EPPK1: variants seen among roughly 807,000 people sequenced by gnomAD.
EPPK1 encodes the protein epiplakin.
For missense variants in EPPK1, 3,823 were observed against 3,673.3 expected, an observed-to-expected ratio of 1.04 and a Z score of -1.05; for synonymous variants, 1,862 against 1,721.2, an observed-to-expected ratio of 1.08 and a Z score of -2.03.
rs782460294 is a variant in EPPK1, at chr8:143,867,418, G to C, written c.5836C>G (p.Arg1946Gly). 1 of 1,612,694 alleles carries C rather than the reference G, an allele frequency of 6.2e-7. No homozygotes were observed. The highest frequency in any genetic ancestry group is 1.7e-5 in the Admixed American group (1 of 60,008). Reference sequence around the variant, plus strand: ...GCCTCATCCACAGAGAGCTTCTGGCGGGTGCAGGGGTCCAGGAGGAACCCG... The same window carrying C: ...GCCTCATCCACAGAGAGCTTCTGGCCGGTGCAGGGGTCCAGGAGGAACCCG... ...ATGFLLDPCT[R>G]QKLSVDEAVD... Residue 1946 changes from arginine to glycine, a missense_variant, in exon 2 of 2, where the codon CGC (arginine) becomes GGC (glycine). By Grantham distance (125) the Arg-to-Gly change is moderately radical. Transcript: ENST00000615648.
chr8:143,869,124 G>A lies in EPPK1; in HGVS notation c.4130C>T (p.Ala1377Val), dbSNP rs372573971. ...CAGAAGGCCGAGTCTGCAGGCTGCC[G>A]CCTGGGGCAGGTGCACCCCGTGGAC... ...DPVHGVHLPQ[A>V]AACRLGLLDT... is the part of the protein sequence containing the mutation. Residue 1377 changes from alanine (A) to valine (V), a missense_variant, in exon 2 of 2, where the codon GCG (alanine) becomes GTG (valine). Transcript: ENST00000615648. 9.3e-5 allele frequency: 149 copies of A among 1,606,042 alleles called. No homozygotes were observed. The African/African-American group carries it at 1.6e-3, about 17-fold the overall frequency.
chr8:143,870,192 G>A lies in EPPK1; in HGVS notation c.3062C>T (p.Ser1021Phe). Residue 1021 changes from serine to phenylalanine, a missense_variant, in exon 2 of 2, where the codon TCT (serine) becomes TTT (phenylalanine). Coordinates refer to ENST00000615648, the MANE Select transcript of EPPK1 (RefSeq NM_031308.4). The surrounding 1 kb of genome is among the most constrained non-coding windows in gnomAD (Gnocchi z 5.2). ...ACCTTTCTTCATGGCCTGGAACACA[G>A]ACACCTGCTTCCCAGAGAAGGGGTC... ...FRDPFSGKQVSVFQAMKKGLI... is the reference protein window; with the variant it reads ...FRDPFSGKQVFVFQAMKKGLI... The A allele has an allele frequency of 6.2e-7, 1 of 1,611,292 alleles. No homozygotes were observed. Among genetic ancestry groups the A allele is most frequent in the Non-Finnish European group, 8.5e-7 (1 of 1,179,326 alleles).
At chr8:143,878,404 G>GCCGCACCTGC (rs1554662614) in intron 1 of EPPK1, 34 bp downstream of exon 1, 4,341 of 66,472 alleles carry the variant, frequency 0.065, 208 homozygotes, top group East Asian at 0.21. Context: ...GCCCGCACCC[G>GCCGCACCTGC]CCGCACCCGC....
Position 143,867,088 on chromosome 8 carries a change from C to G in EPPK1, c.6166G>C (p.Asp2056His), listed in dbSNP as rs1554659309. 1 of 1,612,852 alleles carries G rather than the reference C, an allele frequency of 6.2e-7. No homozygotes were observed. The highest frequency in any genetic ancestry group is 1.3e-5 in the African/African-American group (1 of 74,920). ...DQKHMRKRFVDPNTQEKVSYR... is the reference protein window; with the variant it reads ...DQKHMRKRFVHPNTQEKVSYR... ...GAGACCTTCTCTTGCGTGTTCGGGT[C>G]CACAAACCGTTTCCTCATGTGCTTC... Residue 2056 changes from aspartate (D) to histidine (H), a missense_variant, in exon 2 of 2, where the codon GAC (aspartate) becomes CAC (histidine). Transcript: ENST00000615648.
chr8:143,879,142 G>A (rs1435733894), upstream of EPPK1, among the ~76,000 whole-genome samples: 3 of 152,192 alleles, frequency 2.0e-5, no homozygotes, highest in Admixed American at 2.0e-4. Flanking sequence ...CAGCCTCGGG[G>A]GCTGGCCTGG....
At position 143,866,649 on chromosome 8, in the gene EPPK1, G is replaced by T. The variant is rs559664622; in HGVS notation, c.6605C>A (p.Thr2202Lys). ...GAGCTCTTGCGTCGTGCTCCGTCCCGTTTCCAGGTCCTGGAGCATTTCCTC... is the reference window on the plus strand; with the variant it reads ...GAGCTCTTGCGTCGTGCTCCGTCCCTTTTCCAGGTCCTGGAGCATTTCCTC... ...ITEEMLQDLE[T>K]GRSTTQELME... The change falls in exon 2 of 2, where the codon ACG becomes AAG. Residue 2202 changes from threonine to lysine, a missense_variant. Physicochemically the swap from Thr to Lys is moderately conservative, Grantham distance 78. Transcript: ENST00000615648. The T allele has an allele frequency of 3.1e-6, 5 of 1,612,992 alleles. No individual in the cohort carries two copies. In the South Asian group the frequency reaches 4.4e-5, roughly 14 times the overall value.
intron 1 of EPPK1, among the ~76,000 whole-genome samples, chr8:143,874,630 C>T (rs1586703539): frequency 6.6e-6 from 1 of 152,210 alleles, no homozygotes; most frequent in South Asian, 2.1e-4. Flanking sequence ...CGGCTTCTGG[C>T]CTCTAGAGCT....
chr8:143,857,724 G>GGGT lies in EPPK1; in HGVS notation c.*262_*263insACC. 2.4e-6 allele frequency: 1 copy of GGGT among 409,840 alleles called. No homozygotes were observed. Among genetic ancestry groups the GGGT allele is most frequent in the Non-Finnish European group, 4.3e-6 (1 of 233,496 alleles). The allele number at this position is 409,840 out of a possible 1,614,324, so 25.4% of individuals were successfully genotyped here. On this transcript the variant is annotated 3_prime_UTR_variant, in exon 2 of 2. Transcript: ENST00000615648. ...TCCAAAACAGACAGAAAAATGTTCT[G>GGGT]AAAACGAAAAAGGAGAGAAAAGTAA... is the stretch of plus-strand genomic sequence containing the variant.
chr8:143,866,653 C>G lies in EPPK1; in HGVS notation c.6601G>C (p.Glu2201Gln), dbSNP rs1554659107. The change falls in exon 2 of 2, where the codon GAA (glutamate) becomes CAA (glutamine). Residue 2201 changes from glutamate (E) to glutamine (Q), a missense_variant. Glu to Gln is a conservative substitution (Grantham distance 29, BLOSUM62 2). Coordinates refer to ENST00000615648, the MANE Select transcript of EPPK1 (RefSeq NM_031308.4). ...TCTTGCGTCGTGCTCCGTCCCGTTT[C>G]CAGGTCCTGGAGCATTTCCTCCGTG... ...IITEEMLQDL[E>Q]TGRSTTQELM... 10 of 1,613,118 alleles carry G rather than the reference C, an allele frequency of 6.2e-6. No individual in the cohort carries two copies. Among genetic ancestry groups the G allele is most frequent in the East Asian group, 2.2e-5 (1 of 44,878 alleles).
Position 143,868,622 on chromosome 8 carries a change from C to T in EPPK1, c.4632G>A (p.Leu1544=), listed in dbSNP as rs782529811. 4.4e-6 allele frequency: 7 copies of T among 1,597,872 alleles called. No individual in the cohort carries two copies. Among genetic ancestry groups the T allele is most frequent in the African/African-American group, 1.3e-5 (1 of 74,690 alleles). Reference sequence around the variant, plus strand: ...TCGTTGTCCCCTGGCTCAGCTCGTCCAGCGTCTTCCTGCTGATCAGCTGCG... The same window carrying T: ...TCGTTGTCCCCTGGCTCAGCTCGTCTAGCGTCTTCCTGCTGATCAGCTGCG... ...FRAQLISRKT[L]DELSQGTTTV... The change falls in exon 2 of 2, where the codon CTG becomes CTA. Residue 1544 remains leucine, a synonymous_variant. Coordinates refer to ENST00000615648, the MANE Select transcript of EPPK1 (RefSeq NM_031308.4).
In EPPK1 at chr8:143,857,962, A is replaced by G; in HGVS notation, c.*25T>C. The G allele has an allele frequency of 1.4e-6, 2 of 1,475,250 alleles. No homozygotes were observed. The highest frequency in any genetic ancestry group is 9.1e-7 in the Non-Finnish European group (1 of 1,093,916). The allele number at this position is 1,475,250 out of a possible 1,614,324, so 91.4% of individuals were successfully genotyped here. On this transcript the variant is annotated 3_prime_UTR_variant, in exon 2 of 2. Coordinates refer to ENST00000615648, the MANE Select transcript of EPPK1 (RefSeq NM_031308.4). ...TATGCCTCCACTTCTCCAGAGTTGCAGAAAACTGCACGGAGGAAGCCCAGT... is the reference window on the plus strand; with the variant it reads ...TATGCCTCCACTTCTCCAGAGTTGCGGAAAACTGCACGGAGGAAGCCCAGT...
Position 143,872,535 on chromosome 8 carries a change from C to T in EPPK1, c.719G>A (p.Gly240Glu), listed in dbSNP as rs1413553275. Reference sequence around the variant, plus strand: ...CAGCAGCTCAGCTGCACTCACCGCCCCGCCCATGGAGCGGAAGGTGATCTT... The same window carrying T: ...CAGCAGCTCAGCTGCACTCACCGCCTCGCCCATGGAGCGGAAGGTGATCTT... Reference protein sequence around the residue: ...PLKITFRSMGGAVSAAELLEV... With the variant: ...PLKITFRSMGEAVSAAELLEV... Residue 240 changes from glycine (G) to glutamate (E), a missense_variant, in exon 2 of 2, where the codon GGG becomes GAG. Physicochemically the swap from Gly to Glu is moderately conservative, Grantham distance 98. Transcript: ENST00000615648. 1 of 1,603,388 alleles carries T rather than the reference C, an allele frequency of 6.2e-7. No homozygotes were observed. Among genetic ancestry groups the T allele is most frequent in the Non-Finnish European group, 8.5e-7 (1 of 1,177,938 alleles).
In EPPK1 at chr8:143,868,884, A is replaced by G; in HGVS notation, c.4370T>C (p.Val1457Ala). 1 of 1,610,890 alleles carries G rather than the reference A, an allele frequency of 6.2e-7. No homozygotes were observed. Among genetic ancestry groups the G allele is most frequent in the South Asian group, 1.1e-5 (1 of 91,070 alleles). Reference protein sequence around the residue: ...AVALRAMKVPVSTGRFKGCSV... With the variant: ...AVALRAMKVPASTGRFKGCSV... Reference sequence around the variant, plus strand: ...ACACCCCTTAAACCTCCCTGTGCTGACGGGCACCTTCATGGCCCTCAGAGC... The same window carrying G: ...ACACCCCTTAAACCTCCCTGTGCTGGCGGGCACCTTCATGGCCCTCAGAGC... Residue 1457 changes from valine (V) to alanine (A), a missense_variant, in exon 2 of 2, where the codon GTC (valine) becomes GCC (alanine). Transcript: ENST00000615648.
At position 143,873,242 on chromosome 8, in the gene EPPK1, G is replaced by A. The variant is rs1819417245; in HGVS notation, c.12C>T (p.His4=). The A allele has an allele frequency of 1.3e-6, 2 of 1,563,506 alleles. No homozygotes were observed. Among genetic ancestry groups the A allele is most frequent in the Non-Finnish European group, 1.7e-6 (2 of 1,160,554 alleles). The change falls in exon 2 of 2, where the codon CAC becomes CAT. Residue 4 remains histidine, a synonymous_variant. Transcript: ENST00000615648. MSG[H]TLPPLPVPGT... ...CTGGGACGGGAAGAGGAGGCAAGGT[G>A]TGGCCACTCATCACACACGGCTGGT...
rs782493859 is a variant in EPPK1 at position 143,867,583 on chromosome 8, G to A, written c.5671C>T (p.Pro1891Ser). The A allele has an allele frequency of 6.2e-7, 1 of 1,613,030 alleles. No homozygotes were observed. ...ATGCAGCCGCTGCCTTCCAGATAGG[G>A]CTTCACACACTCCAGCGTGCTGAGT... The part of the protein sequence containing the change: ...QALSTLECVK[P>S]YLEGSGCIAG... Residue 1891 changes from proline to serine, a missense_variant, in exon 2 of 2, where the codon CCC becomes TCC. Physicochemically the swap from Pro to Ser is moderately conservative, Grantham distance 74. Transcript: ENST00000615648.
chr8:143,867,449 G>C lies in EPPK1; in HGVS notation c.5805C>G (p.Ala1935=). ...AFATWLLEAQ[A]ATGFLLDPCT... ...AGGGGTCCAGGAGGAACCCGGTGGC[G>C]GCCTGCGCCTCCAGCAGCCAAGTCG... Residue 1935 remains alanine (A), a synonymous_variant, in exon 2 of 2, where the codon GCC becomes GCG. Transcript: ENST00000615648. The C allele has an allele frequency of 1.2e-6, 2 of 1,612,614 alleles. No homozygotes were observed. The highest frequency in any genetic ancestry group is 2.2e-5 in the South Asian group (2 of 91,080).
rs560197070 is a variant in EPPK1 at position 143,871,343 on chromosome 8, G to A, written c.1911C>T (p.Pro637=). The A allele has an allele frequency of 9.3e-6, 15 of 1,610,438 alleles. No homozygotes were observed. The highest frequency in any genetic ancestry group is 8.4e-5 in the Admixed American group (5 of 59,706). Residue 637 remains proline (P), a synonymous_variant, in exon 2 of 2, where the codon CCC becomes CCT. Coordinates refer to ENST00000615648, the MANE Select transcript of EPPK1 (RefSeq NM_031308.4). ...YEARCKGLLR[P]GTALILLEAQ... ...CCTCCAGAAGGATGAGGGCAGTGCC[G>A]GGCCGGAGGAGCCCCTTGCATCGGG...
Position 143,871,432 on chromosome 8 carries a change from C to T in EPPK1, c.1822G>A (p.Gly608Ser), listed in dbSNP as rs1554661150. The T allele has an allele frequency of 6.2e-7, 1 of 1,604,954 alleles. No homozygotes were observed. Among genetic ancestry groups the T allele is most frequent in the Admixed American group, 1.7e-5 (1 of 59,060 alleles). The part of the protein sequence containing the change: ...SLASVQRYLQ[G>S]TGCIAGLLLP... ...AGCAGGCCAGCAATGCAGCCCGTAC[C>T]CTGCAGGTACCTCTGCACCGAGGCC... is the stretch of plus-strand genomic sequence containing the variant. Residue 608 changes from glycine (G) to serine (S), a missense_variant, in exon 2 of 2, where the codon GGT becomes AGT. Physicochemically the swap from Gly to Ser is moderately conservative, Grantham distance 56. Transcript: ENST00000615648.
chr8:143,871,967 C>T lies in EPPK1; in HGVS notation c.1287G>A (p.Gln429=). The T allele has an allele frequency of 6.3e-7, 1 of 1,598,278 alleles. No homozygotes were observed. The highest frequency in any genetic ancestry group is 8.5e-7 in the Non-Finnish European group (1 of 1,176,916). Residue 429 remains glutamine (Q), a synonymous_variant, in exon 2 of 2, where the codon CAG becomes CAA. Coordinates refer to ENST00000615648, the MANE Select transcript of EPPK1 (RefSeq NM_031308.4). ...LRCGCLDEDT[Q]RQLSQAGSFS... is the part of the protein sequence containing the mutation. ...AGCTGCCAGCCTGCGAGAGCTGCCG[C>T]TGAGTGTCTTCATCCAGGCAGCCGC...
Sources: gnomAD v4.1 joint callset for allele counts (sites outside exome capture counted in the v4.1 genomes callset) on GRCh38, gnomAD v4.1.1 for gene constraint, Gnocchi (gnomAD v3.1) non-coding constraint, MANE v1.5 for transcripts, NCBI Gene and HGNC (gene_info 2026-07-23, HGNC 2026-07-21) for gene names.